The following TBC1D8 variants were observed in gnomAD, a reference collection of about 807,000 sequenced individuals.
TBC1D8 encodes the protein TBC1 domain family member 8.
A neutral mutation model predicts 118.8 loss-of-function variants in TBC1D8; 65 were observed. The observed-to-expected ratio is 0.55, with a 90% CI of 0.45 to 0.67. TBC1D8 has a LOEUF of 0.67. Ranked by LOEUF, TBC1D8 falls within the 30% of genes least tolerant of loss-of-function variation. The pLI is 0.00. For synonymous variants in TBC1D8, 566 were observed against 595.8 expected (o/e 0.95, Z 0.73); for missense variants, 1,376 against 1,471.2 (o/e 0.94, Z 1.06).
At chr2:101,057,016 C>G (rs1682477325) in intron 3 of TBC1D8, among the ~76,000 whole-genome samples, 1 of 152,182 alleles carries the variant, frequency 6.6e-6, no homozygotes, top group East Asian at 1.9e-4. Context: ...CCAGCCCTGC[C>G]TCCTCAGGAA....
At chr2:101,140,897 G>A (rs139621069) in intron 1 of TBC1D8, among the ~76,000 whole-genome samples, 5,072 of 151,938 alleles carry the variant, frequency 0.033, 318 homozygotes, top group African/African-American at 0.11. Flanking sequence ...GAGTAGCTGG[G>A]ATTACAGGGA....
intron 15 of TBC1D8, among the ~76,000 whole-genome samples, chr2:101,025,498 G>A (rs527344559): frequency 1.8e-4 from 27 of 152,292 alleles, no homozygotes; most frequent in African/African-American, 6.0e-4. Context: ...GATTACAGGC[G>A]TGAGCCACTG....
chr2:101,103,613 C>T lies in TBC1D8; in HGVS notation c.128-13249G>A, dbSNP rs184473881. 8.1e-3 allele frequency among the ~76,000 whole-genome samples: 1,227 copies of T among 152,056 alleles called. 38 individuals carry two copies. Among genetic ancestry groups the T allele is most frequent in the Admixed American group, 0.059 (898 of 15,250 alleles). On this transcript the variant is annotated intron_variant, in intron 1 of 19. Coordinates refer to ENST00000409318, the MANE Select transcript of TBC1D8 (RefSeq NM_001330348.2). ...TTCACCGTGTTAGCCAGGATGGTCT[C>T]GATCTCCTGACCTCATGATCCGCCC...
intron 1 of TBC1D8, among the ~76,000 whole-genome samples, chr2:101,131,283 C>T (rs1428700491): frequency 2.0e-5 from 3 of 152,044 alleles, no homozygotes; most frequent in African/African-American, 4.8e-5. Context: ...GAGGCAAAGG[C>T]GGGTGGATCA....
chr2:101,075,041 T>A (rs1463357588), intron 2 of TBC1D8, among the ~76,000 whole-genome samples: 1 of 152,186 alleles, frequency 6.6e-6, no homozygotes, highest in Non-Finnish European at 1.5e-5. Flanking sequence ...AGGTACAAGA[T>A]GAGCATTTCA....
rs761236061 is a variant in TBC1D8, at chr2:101,032,391, C to T, written c.1819-6G>A. On this transcript the variant is annotated splice_region_variant and splice_polypyrimidine_tract_variant and intron_variant, in intron 10 of 19. Transcript: ENST00000409318. ...GAGGTCAGGATGTTCATGGACTGCT[C>T]GGGGGTCAAGGAGGGCAGTTACTGA... 4 of 1,612,342 alleles carry T rather than the reference C, an allele frequency of 2.5e-6. No individual in the cohort carries two copies. The highest frequency in any genetic ancestry group is 1.7e-4 in the Middle Eastern group (1 of 6,046).
At chr2:101,128,536 G>A (rs1678449130) in intron 1 of TBC1D8, among the ~76,000 whole-genome samples, 1 of 152,172 alleles carries the variant, frequency 6.6e-6, no homozygotes, top group Non-Finnish European at 1.5e-5. Flanking sequence ...GTCTAGGATT[G>A]TCTCAAAAAA....
intron 1 of TBC1D8, among the ~76,000 whole-genome samples, chr2:101,127,033 C>G (rs946226996): frequency 6.6e-6 from 1 of 152,182 alleles, no homozygotes; most frequent in African/African-American, 2.4e-5. Context: ...AGAGAACAAG[C>G]TGTTAAGAAA....
At chr2:101,145,716 A>G (rs781556287) in intron 1 of TBC1D8, among the ~76,000 whole-genome samples, 1 of 152,204 alleles carries the variant, frequency 6.6e-6, no homozygotes, top group Non-Finnish European at 1.5e-5. Flanking sequence ...GAGGCACAGC[A>G]TGAGCACTCA....
At chr2:101,033,482 G>C (rs1680797133) in intron 10 of TBC1D8, 62 bp downstream of exon 10, 2 of 1,593,814 alleles carry the variant, frequency 1.3e-6, no homozygotes, top group African/African-American at 1.3e-5. Context: ...ATGAAACCCT[G>C]GGAAGGACAA....
At chr2:101,011,169 C>A in intron 18 of TBC1D8, 143 bp from the exon 19 acceptor site, 2 of 809,776 alleles carry the variant, frequency 2.5e-6, no homozygotes, top group Non-Finnish European at 1.9e-6. Context: ...AAGAGATTCC[C>A]CTGGAGAGCC....
At chr2:101,061,208 A>AT (rs2105425838) in intron 2 of TBC1D8, among the ~76,000 whole-genome samples, 1 of 151,186 alleles carries the variant, frequency 6.6e-6, no homozygotes, top group Admixed American at 6.6e-5. Flanking sequence ...AAAAAAAAAA[A>AT]AAGCCAGGCA....
At chr2:101,083,238 G>C (rs1558685960) in intron 2 of TBC1D8, among the ~76,000 whole-genome samples, 1 of 152,120 alleles carries the variant, frequency 6.6e-6, no homozygotes, top group Non-Finnish European at 1.5e-5. Context: ...CTCTGTCCTA[G>C]GCATCAGAAG....
At position 101,110,904 on chromosome 2, in the gene TBC1D8, C is replaced by T. The variant is rs569199752; in HGVS notation, c.128-20540G>A. On this transcript the variant is annotated intron_variant, in intron 1 of 19. Transcript: ENST00000409318. ...CTGGAGAATCACTTGAACTTGAACC[C>T]GGGAGGTGGAGGTTGCAGTGAGCCG... Among the ~76,000 whole-genome samples, 165 of 149,244 alleles carry T rather than the reference C, an allele frequency of 1.1e-3. 1 individual carries two copies. The highest frequency in any genetic ancestry group is 6.9e-3 in the South Asian group (32 of 4,666).
chr2:101,044,873 T>C lies in TBC1D8; in HGVS notation c.873-4488A>G, dbSNP rs576299556. On this transcript the variant is annotated intron_variant, in intron 5 of 19. Coordinates refer to ENST00000409318, the MANE Select transcript of TBC1D8 (RefSeq NM_001330348.2). ...ATGGGATTCTCTTGTCTCAGCCTCC[T>C]GAGTAGCTGGGATTACAGGTGCCCA... 3.3e-3 allele frequency among the ~76,000 whole-genome samples: 497 copies of C among 152,308 alleles called. 4 individuals carry two copies. Among genetic ancestry groups the C allele is most frequent in the Admixed American group, 7.3e-3 (112 of 15,302 alleles).
intron 8 of TBC1D8, among the ~76,000 whole-genome samples, chr2:101,037,015 C>G (rs1681051435): frequency 6.6e-6 from 1 of 152,228 alleles, no homozygotes; most frequent in South Asian, 2.1e-4. Flanking sequence ...GCGCAGCACC[C>G]TGCCTGCCAT....
chr2:101,038,194 G>T (rs1259132397), intron 7 of TBC1D8, among the ~76,000 whole-genome samples: 1 of 152,166 alleles, frequency 6.6e-6, no homozygotes, highest in East Asian at 1.9e-4. Flanking sequence ...CAGGTTACAC[G>T]TGCCTCCAAT....
intron 1 of TBC1D8, among the ~76,000 whole-genome samples, chr2:101,129,378 G>A (rs1678488755): frequency 6.6e-6 from 1 of 152,044 alleles, no homozygotes; most frequent in African/African-American, 2.4e-5. Flanking sequence ...CCTGAACTCG[G>A]GTAATCTGCC....
intron 1 of TBC1D8, among the ~76,000 whole-genome samples, chr2:101,118,498 C>CA (rs1176539687): frequency 4.0e-5 from 6 of 150,238 alleles, no homozygotes; most frequent in Non-Finnish European, 7.4e-5. Context: ...AGATCGAGAC[C>CA]ATCCTGGCTA....
Sources: allele counts gnomAD v4.1 joint callset (sites outside exome capture counted in the v4.1 genomes callset), GRCh38; gene constraint gnomAD v4.1.1; transcripts MANE v1.5; gene names NCBI Gene and HGNC (gene_info 2026-07-23, HGNC 2026-07-21).